The following MGAT4A variants were observed in gnomAD, a reference collection of about 807,000 sequenced individuals.
MGAT4A encodes alpha-1,3-mannosyl-glycoprotein 4-beta-N-acetylglucosaminyltransferase A.
MGAT4A carries 33 observed loss-of-function variants against 74.1 expected under a neutral mutation model. That is an observed-to-expected ratio of 0.45 (90% confidence interval 0.34 to 0.60). The LOEUF is 0.60. Among genes scored for constraint, MGAT4A ranks in the 20% least tolerant of loss-of-function variants. The probability of loss-of-function intolerance (pLI) is 0.02; values close to 1 mark genes in which losing one functional copy is unlikely to be tolerated. For synonymous variants in MGAT4A, 198 were observed against 210.4 expected (o/e 0.94, Z 0.51); for missense variants, 479 against 628.3 (o/e 0.76, Z 2.54).
intron 2 of MGAT4A, among the ~76,000 whole-genome samples, chr2:98,706,784 C>T (rs1023668899): frequency 6.6e-6 from 1 of 150,474 alleles, no homozygotes; most frequent in African/African-American, 2.5e-5. Flanking sequence ...AAATGCATTA[C>T]AGGAGTACAC....
At chr2:98,625,665 TA>T in intron 15 of MGAT4A, 57 bp downstream of exon 15, 1 of 1,564,700 alleles carries the variant, frequency 6.4e-7, no homozygotes, top group Non-Finnish European at 8.7e-7. Flanking sequence ...AAATACAAAA[TA>T]AAAACATAAT....
In MGAT4A at chr2:98,681,706, A is replaced by G. The variant is rs369987655; in HGVS notation, c.95-3235T>C. 4.6e-5 allele frequency among the ~76,000 whole-genome samples: 7 copies of G among 152,306 alleles called. 1 individual carries two copies. Among genetic ancestry groups the G allele is most frequent in the African/African-American group, 1.7e-4 (7 of 41,578 alleles). On this transcript the variant is annotated intron_variant, in intron 2 of 15. Transcript: ENST00000393487. ...CGTGATAGCTCACCCTTATAATCCC[A>G]GCACTTTGGGAAGCCATGGCGAGAG... is the stretch of plus-strand genomic sequence containing the variant.
chr2:98,663,486 C>T (rs1701783058), intron 4 of MGAT4A: 1 of 1,393,682 alleles, frequency 7.2e-7, no homozygotes, highest in Non-Finnish European at 9.4e-7. Context: ...AACTTAAAAA[C>T]ACTAAACATA....
At chr2:98,651,498 G>C (rs1014159170) in intron 8 of MGAT4A, among the ~76,000 whole-genome samples, 2 of 152,166 alleles carry the variant, frequency 1.3e-5, no homozygotes, top group Admixed American at 1.3e-4. Context: ...GTAATAAATA[G>C]ACTGTTATAA....
intron 2 of MGAT4A, among the ~76,000 whole-genome samples, chr2:98,717,870 C>T (rs1702613310): frequency 1.3e-5 from 2 of 152,132 alleles, no homozygotes; most frequent in African/African-American, 4.8e-5. Context: ...AAACACAGGT[C>T]GACAATTTTG....
rs1357981655 is a variant in MGAT4A, at chr2:98,625,498, A to T, written c.*68T>A. On this transcript the variant is annotated 3_prime_UTR_variant, in exon 16 of 16. Transcript: ENST00000393487. ...GGTAGTGTTCAAGTAGAAATAAAAA[A>T]AAGATACATGCTTAACTATCTTTAA... is the stretch of plus-strand genomic sequence containing the variant. The T allele has an allele frequency of 1.8e-5, 29 of 1,587,788 alleles. No homozygotes were observed. The highest frequency in any genetic ancestry group is 2.0e-5 in the Non-Finnish European group (23 of 1,172,648).
intron 8 of MGAT4A, among the ~76,000 whole-genome samples, chr2:98,647,350 T>G (rs1223089839): frequency 1.3e-5 from 2 of 152,232 alleles, no homozygotes; most frequent in African/African-American, 2.4e-5. Flanking sequence ...AGTTTCCCTC[T>G]GTCGCCCACA....
intron 2 of MGAT4A, among the ~76,000 whole-genome samples, chr2:98,692,780 A>G (rs768609450): frequency 2.6e-5 from 4 of 152,182 alleles, no homozygotes; most frequent in Non-Finnish European, 4.4e-5. Flanking sequence ...GGGCTGTACC[A>G]TCTAGGTTTG....
intron 1 of MGAT4A, among the ~76,000 whole-genome samples, chr2:98,728,802 C>A (rs1242672354): frequency 6.6e-6 from 1 of 151,528 alleles, no homozygotes; most frequent in Non-Finnish European, 1.5e-5. Context: ...CAATAAGCAC[C>A]CAATAATGAA....
At position 98,623,739 on chromosome 2, in the gene MGAT4A, G is replaced by A. The variant is rs976855366; in HGVS notation, c.*1827C>T. ...ACAACATGGAGTGATGGAAATAATT[G>A]TACTGTATCAGTGTTTCCAAACGTT... On this transcript the variant is annotated 3_prime_UTR_variant, in exon 16 of 16. Coordinates refer to ENST00000393487, the MANE Select transcript of MGAT4A (RefSeq NM_012214.3). 3.0e-6 allele frequency: 3 copies of A among 985,280 alleles called. No individual in the cohort carries two copies. The highest frequency in any genetic ancestry group is 3.6e-6 in the Non-Finnish European group (3 of 829,916). The allele number at this position is 985,280 out of a possible 1,614,324, so 61.0% of individuals were successfully genotyped here.
At chr2:98,657,113 A>G (rs1304555980) in intron 6 of MGAT4A, among the ~76,000 whole-genome samples, 1 of 152,188 alleles carries the variant, frequency 6.6e-6, no homozygotes, top group Non-Finnish European at 1.5e-5. Context: ...CTGGCCCAAA[A>G]TGTCCATTGG....
chr2:98,626,078 C>T (rs959838847), intron 14 of MGAT4A, among the ~76,000 whole-genome samples: 2 of 152,104 alleles, frequency 1.3e-5, no homozygotes, highest in South Asian at 2.1e-4. Flanking sequence ...TTTCTCACTA[C>T]AAATTAAAAA....
chr2:98,620,960 C>T lies in MGAT4A; in HGVS notation c.*4606G>A, dbSNP rs145509091. Reference sequence around the variant, plus strand: ...AATGAAGACTAATTGAGATCTCTGGCGAGAACATCCCCAACAAGGTCCAGG... The same window carrying T: ...AATGAAGACTAATTGAGATCTCTGGTGAGAACATCCCCAACAAGGTCCAGG... On this transcript the variant is annotated 3_prime_UTR_variant, in exon 16 of 16. Transcript: ENST00000393487. 708 of 152,790 alleles carry T rather than the reference C, an allele frequency of 4.6e-3. 4 individuals are homozygous for T. Among genetic ancestry groups the T allele is most frequent in the Middle Eastern group, 0.02 (6 of 298 alleles). The allele number at this position is 152,790 out of a possible 1,614,324, so 9.5% of individuals were successfully genotyped here.
intron 2 of MGAT4A, chr2:98,695,076 T>C (rs1702250909): frequency 7.2e-6 from 1 of 139,356 alleles, no homozygotes; most frequent in Admixed American, 7.6e-5. Context: ...TTGCTCTGTC[T>C]CCTAGGCTGG....
At chr2:98,706,396 T>C (rs1386127028) in intron 2 of MGAT4A, among the ~76,000 whole-genome samples, 2 of 152,040 alleles carry the variant, frequency 1.3e-5, no homozygotes, top group African/African-American at 4.8e-5. Context: ...ATTTTTATGA[T>C]CTCAGCTCAC....
At chr2:98,727,677 A>T (rs2104341353) in intron 1 of MGAT4A, among the ~76,000 whole-genome samples, 1 of 152,308 alleles carries the variant, frequency 6.6e-6, no homozygotes, top group South Asian at 2.1e-4. Context: ...CTCTCTGGGG[A>T]AGAGCACAAC....
chr2:98,644,914 G>A (rs561991944), intron 9 of MGAT4A, among the ~76,000 whole-genome samples: 53 of 152,192 alleles, frequency 3.5e-4, no homozygotes, highest in Admixed American at 7.2e-4. Context: ...GATTACAGGC[G>A]TGAGCCACTG....
At chr2:98,720,327 T>C (rs1014558274) in intron 2 of MGAT4A, among the ~76,000 whole-genome samples, 9 of 152,220 alleles carry the variant, frequency 5.9e-5, no homozygotes, top group Non-Finnish European at 1.3e-4. Flanking sequence ...TATCGTCCAA[T>C]CTACTAAGAG....
chr2:98,654,915 G>A (rs1701636721), intron 8 of MGAT4A, among the ~76,000 whole-genome samples: 1 of 152,182 alleles, frequency 6.6e-6, no homozygotes, highest in Admixed American at 6.5e-5. Flanking sequence ...CATGTCAGGT[G>A]CAGCAGCTCG....
Sources: gnomAD v4.1 joint callset for allele counts (sites outside exome capture counted in the v4.1 genomes callset) on GRCh38, gnomAD v4.1.1 for gene constraint, MANE v1.5 for transcripts, NCBI Gene and HGNC (gene_info 2026-07-23, HGNC 2026-07-21) for gene names.